The following PTPN2 variants were observed in gnomAD, a reference collection of about 807,000 sequenced individuals.
PTPN2 encodes tyrosine-protein phosphatase non-receptor type 2.
A neutral mutation model predicts 57.3 loss-of-function variants in PTPN2; 19 were observed. That is an observed-to-expected ratio of 0.33 (90% CI 0.23 to 0.49). PTPN2 has a LOEUF of 0.49. Among genes scored for constraint, PTPN2 ranks in the 20% least tolerant of loss-of-function variants. The probability of loss-of-function intolerance (pLI) is 0.99; values close to 1 mark genes in which losing one functional copy is unlikely to be tolerated. For synonymous variants in PTPN2, 153 were observed against 164.9 expected (o/e 0.93, Z 0.55); for missense variants, 358 against 501.1 (o/e 0.71, Z 2.73).
intron 1 of PTPN2, among the ~76,000 whole-genome samples, chr18:12,873,329 T>C (rs966078557): frequency 1.3e-5 from 2 of 152,138 alleles, no homozygotes; most frequent in African/African-American, 2.4e-5. Context: ...AGTCTCCCTC[T>C]GATGCCGAGC....
At chr18:12,854,656 C>G (rs1248263579) in intron 2 of PTPN2, among the ~76,000 whole-genome samples, 2 of 152,070 alleles carry the variant, frequency 1.3e-5, no homozygotes, top group African/African-American at 4.8e-5. Flanking sequence ...ACAGAAAAGT[C>G]CACGACTGCA....
At chr18:12,849,923 G>A (rs1019631640) in intron 2 of PTPN2, among the ~76,000 whole-genome samples, 4 of 151,930 alleles carry the variant, frequency 2.6e-5, no homozygotes, top group African/African-American at 7.3e-5. Flanking sequence ...TTCAATTCAC[G>A]CTTTCTTTGT....
intron 4 of PTPN2, 135 bp from the exon 5 acceptor site, chr18:12,826,079 A>G (rs1598797855): frequency 1.2e-5 from 8 of 678,862 alleles, no homozygotes; most frequent in Non-Finnish European, 1.9e-5. Context: ...AGTCACTACT[A>G]TATTCTACGC....
At chr18:12,851,107 T>C (rs915733735) in intron 2 of PTPN2, among the ~76,000 whole-genome samples, 1 of 152,184 alleles carries the variant, frequency 6.6e-6, no homozygotes, top group African/African-American at 2.4e-5. Flanking sequence ...AAATAGACCA[T>C]GTCAGTCCTA....
chr18:12,817,352 C>T lies in PTPN2; in HGVS notation c.509G>A (p.Arg170Lys). The change falls in exon 6 of 9, where the codon AGA (arginine) becomes AAA (lysine). Residue 170 changes from arginine to lysine, a missense_variant. Coordinates refer to ENST00000309660, the MANE Select transcript of PTPN2 (RefSeq NM_002828.4). ...QLENINSGET[R>K]TISHFHYTTW... ...AGTATAATGAAAGTGAGATATTGTT[C>T]TGGTTTCACCACTCTAAAAAGTGAA... 3 of 1,612,978 alleles carry T rather than the reference C, an allele frequency of 1.9e-6. No homozygotes were observed. The highest frequency in any genetic ancestry group is 2.5e-6 in the Non-Finnish European group (3 of 1,179,154).
intron 2 of PTPN2, among the ~76,000 whole-genome samples, chr18:12,856,456 G>T (rs1204702985): frequency 6.6e-6 from 1 of 152,080 alleles, no homozygotes; most frequent in African/African-American, 2.4e-5. Flanking sequence ...ATGCACTGGG[G>T]GCTGCTCCCA....
At chr18:12,855,166 GAGA>G (rs1233236533) in intron 2 of PTPN2, among the ~76,000 whole-genome samples, 1 of 152,152 alleles carries the variant, frequency 6.6e-6, no homozygotes, top group Non-Finnish European at 1.5e-5. Flanking sequence ...GGGGAGGCTG[GAGA>G]AGAAGCATGG....
At chr18:12,802,229 A>T in intron 7 of PTPN2, 78 bp from the exon 8 acceptor site, 1 of 1,139,904 alleles carries the variant, frequency 8.8e-7, no homozygotes, top group Non-Finnish European at 1.2e-6. Flanking sequence ...TTTATGAATT[A>T]AAATCCTATA....
intron 7 of PTPN2, among the ~76,000 whole-genome samples, chr18:12,813,674 T>C (rs1353960448): frequency 1.3e-5 from 2 of 152,202 alleles, no homozygotes; most frequent in Non-Finnish European, 2.9e-5. Context: ...GTTGTTTCTA[T>C]TTTACATTTT....
intron 1 of PTPN2, chr18:12,863,102 A>G (rs1369036365): frequency 6.6e-6 from 1 of 152,220 alleles, no homozygotes; most frequent in East Asian, 1.9e-4. Context: ...GGTCTATCAC[A>G]TAAGGCAAAG....
At chr18:12,841,047 C>A (rs78481083) in intron 2 of PTPN2, 1 of 1,306,790 alleles carries the variant, frequency 7.7e-7, no homozygotes, top group South Asian at 1.7e-5. Flanking sequence ...TTGTTTGAAG[C>A]TTTTAAAAAG....
intron 1 of PTPN2, among the ~76,000 whole-genome samples, chr18:12,860,477 A>G (rs1329093311): frequency 2.0e-5 from 3 of 151,998 alleles, no homozygotes; most frequent in Admixed American, 1.3e-4. Flanking sequence ...GGCACCTGTA[A>G]TCCCAGCTAC....
chr18:12,794,350 C>T lies in PTPN2; in HGVS notation c.1176G>A (p.Met392Ile). The T allele has an allele frequency of 1.9e-6, 3 of 1,614,166 alleles. No individual in the cohort carries two copies. The South Asian group carries it at 3.3e-5, about 18-fold the overall frequency. The change falls in exon 9 of 9, where the codon ATG (methionine) becomes ATA (isoleucine). Residue 392 changes from methionine to isoleucine, a missense_variant. Met to Ile is a conservative substitution (Grantham distance 10, BLOSUM62 1). Transcript: ENST00000309660. ...CAACCAAAATGACTGACATAAACCC[C>T]ATCTTAGTGAGAATAGGTTGCCAAT... ...WLYWQPILTK[M>I]GFMSVILVGA...
At chr18:12,800,203 T>C (rs932698994) in intron 8 of PTPN2, among the ~76,000 whole-genome samples, 3 of 152,202 alleles carry the variant, frequency 2.0e-5, no homozygotes, top group African/African-American at 4.8e-5. Flanking sequence ...TAGTCTCCTC[T>C]GTATTTGCAA....
rs768734549 is a variant in PTPN2 at position 12,825,792 on chromosome 18, G to A, written c.495+18C>T. ...ACCATCATATAAAGTCCACAATTTC[G>A]GGCAAGAAAGGTCTTACATTGATAT... On this transcript the variant is annotated intron_variant, in intron 5 of 8. Transcript: ENST00000309660. 1.1e-5 allele frequency: 18 copies of A among 1,588,996 alleles called. No homozygotes were observed. The highest frequency in any genetic ancestry group is 1.1e-4 in the East Asian group (5 of 44,562).
chr18:12,872,422 T>C (rs2044299356), intron 1 of PTPN2, among the ~76,000 whole-genome samples: 1 of 152,186 alleles, frequency 6.6e-6, no homozygotes, highest in Non-Finnish European at 1.5e-5. Context: ...CAAATGAAAC[T>C]GACAGAGCAA....
chr18:12,805,903 C>T (rs1037274200), intron 7 of PTPN2, among the ~76,000 whole-genome samples: 5 of 152,148 alleles, frequency 3.3e-5, no homozygotes, highest in African/African-American at 1.2e-4. Flanking sequence ...GCTGGGATTA[C>T]AGGCATGAGC....
intron 1 of PTPN2, among the ~76,000 whole-genome samples, chr18:12,879,744 TTC>T (rs1244796530): frequency 6.6e-6 from 1 of 152,202 alleles, no homozygotes; most frequent in East Asian, 1.9e-4. Flanking sequence ...CCGCTAGAAT[TTC>T]AACAAGGTAT....
chr18:12,819,915 C>T (rs1464870440), intron 5 of PTPN2, among the ~76,000 whole-genome samples: 20 of 152,120 alleles, frequency 1.3e-4, no homozygotes, highest in Admixed American at 1.3e-3. Flanking sequence ...TTACTTGCTG[C>T]GGCCACCAGC....
Sources: allele counts gnomAD v4.1 joint callset (sites outside exome capture counted in the v4.1 genomes callset), GRCh38; gene constraint gnomAD v4.1.1; transcripts MANE v1.5; gene names NCBI Gene and HGNC (gene_info 2026-07-23, HGNC 2026-07-21).